The following SUGCT variants were observed in gnomAD, a reference collection of about 807,000 sequenced individuals.
The protein encoded by SUGCT is succinyl-CoA:glutarate CoA-transferase.
In SUGCT, 41 loss-of-function variants were observed where a neutral mutation model predicts 55.0. The observed-to-expected ratio is 0.74, with a 90% confidence interval of 0.58 to 0.97. The LOEUF is 0.97. Ranked by LOEUF, SUGCT falls within the 50% of genes least tolerant of loss-of-function variation. SUGCT has a pLI of 0.00. For synonymous variants in SUGCT, 187 were observed against 200.4 expected (o/e 0.93, Z 0.56); for missense variants, 568 against 547.8 (o/e 1.04, Z -0.37).
the SUGCT span, among the ~76,000 whole-genome samples, chr7:40,881,938 G>A: frequency 7.2e-5 from 11 of 152,164 alleles, no homozygotes; most frequent in African/African-American, 2.7e-4. Context: ...ATCACGAAGA[G>A]GGTCATTTGG....
chr7:40,914,970 A>C, the SUGCT span, among the ~76,000 whole-genome samples: 1 of 152,160 alleles, frequency 6.6e-6, no homozygotes, highest in Non-Finnish European at 1.5e-5. Flanking sequence ...GTGATCTGGA[A>C]TTTTGCAGGT....
rs547019317 is a variant in SUGCT at position 40,474,417 on chromosome 7, A to C, written c.986+15219A>C. ...TAAAAACTGTGTGTACATACTTTGG[A>C]ATCATGTAACCAGAGGGTGTGGATG... On this transcript the variant is annotated intron_variant, in intron 11 of 13. Coordinates refer to ENST00000335693, the MANE Select transcript of SUGCT (RefSeq NM_001193313.2). 2.6e-5 allele frequency among the ~76,000 whole-genome samples: 4 copies of C among 152,228 alleles called. No homozygotes were observed. The South Asian group carries it at 8.3e-4, about 32-fold the overall frequency.
intron 12 of SUGCT, among the ~76,000 whole-genome samples, chr7:40,577,536 A>T (rs1356292389): frequency 6.6e-6 from 1 of 152,006 alleles, no homozygotes; most frequent in Admixed American, 6.5e-5. Flanking sequence ...TGCTGTTTTT[A>T]AAAAATAGTC....
intron 8 of SUGCT, among the ~76,000 whole-genome samples, chr7:40,303,062 C>T (rs1175576255): frequency 6.6e-6 from 1 of 152,068 alleles, no homozygotes; most frequent in Admixed American, 6.6e-5. Flanking sequence ...GAGATGGAGT[C>T]TTGCCCTGTC....
chr7:40,170,501 T>C (rs1203748579), intron 1 of SUGCT, among the ~76,000 whole-genome samples: 2 of 152,184 alleles, frequency 1.3e-5, no homozygotes, highest in African/African-American at 4.8e-5. Flanking sequence ...GGGAACATTT[T>C]CTATCTGAAA....
chr7:40,816,524 T>C (rs1302487667), intron 13 of SUGCT, among the ~76,000 whole-genome samples: 1 of 152,230 alleles, frequency 6.6e-6, no homozygotes, highest in Admixed American at 6.5e-5. Flanking sequence ...CTCATTTTTA[T>C]CAGCCAGACA....
intron 13 of SUGCT, among the ~76,000 whole-genome samples, chr7:40,751,647 C>T (rs1788017380): frequency 6.6e-6 from 1 of 152,162 alleles, no homozygotes; most frequent in Admixed American, 6.5e-5. Context: ...TTTAGCTTTC[C>T]TCCTCTGCCC....
At chr7:40,180,048 C>T (rs1785107864) in intron 1 of SUGCT, among the ~76,000 whole-genome samples, 1 of 152,124 alleles carries the variant, frequency 6.6e-6, no homozygotes, top group South Asian at 2.1e-4. Context: ...ATTTGGTTTT[C>T]CATGTAAGTA....
intron 13 of SUGCT, among the ~76,000 whole-genome samples, chr7:40,809,798 C>T (rs1791310687): frequency 6.6e-6 from 1 of 152,014 alleles, no homozygotes; most frequent in Non-Finnish European, 1.5e-5. Context: ...TCTCTAGTAG[C>T]CCCCAGTTTC....
At chr7:40,308,479 G>T (rs1273305978) in intron 8 of SUGCT, among the ~76,000 whole-genome samples, 1 of 152,126 alleles carries the variant, frequency 6.6e-6, no homozygotes, top group Non-Finnish European at 1.5e-5. Context: ...ATGACCAGGT[G>T]ATTTAATTAT....
chr7:40,785,878 A>G (rs1789984887), intron 13 of SUGCT, among the ~76,000 whole-genome samples: 1 of 152,158 alleles, frequency 6.6e-6, no homozygotes, highest in African/African-American at 2.4e-5. Context: ...ACTTGAGCCC[A>G]GCAGTTCAAG....
At chr7:40,140,891 T>C (rs1787947668) in intron 1 of SUGCT, among the ~76,000 whole-genome samples, 1 of 152,152 alleles carries the variant, frequency 6.6e-6, no homozygotes, top group South Asian at 2.1e-4. Flanking sequence ...TGTGAAAAAA[T>C]GATGTTGATA....
intron 12 of SUGCT, among the ~76,000 whole-genome samples, chr7:40,743,695 A>G (rs1183522055): frequency 1.3e-5 from 2 of 152,146 alleles, no homozygotes; most frequent in African/African-American, 2.4e-5. Flanking sequence ...TATGTGTTCA[A>G]TGAATGTACC....
chr7:40,769,600 A>G (rs1788986111), intron 13 of SUGCT, among the ~76,000 whole-genome samples: 1 of 152,226 alleles, frequency 6.6e-6, no homozygotes, highest in Admixed American at 6.5e-5. Flanking sequence ...GCAGGCCATC[A>G]CTAGAAACTG....
At chr7:40,859,345 A>G (rs1482336895) in intron 13 of SUGCT, among the ~76,000 whole-genome samples, 1 of 152,212 alleles carries the variant, frequency 6.6e-6, no homozygotes, top group Non-Finnish European at 1.5e-5. Context: ...GTTCCAGCGG[A>G]CACAGATTTT....
At chr7:40,267,988 A>G (rs1791718788) in intron 7 of SUGCT, among the ~76,000 whole-genome samples, 1 of 152,128 alleles carries the variant, frequency 6.6e-6, no homozygotes, top group South Asian at 2.1e-4. Context: ...AAACTTCTAG[A>G]ATTTTTACTA....
intron 8 of SUGCT, among the ~76,000 whole-genome samples, chr7:40,312,827 G>C (rs146669405): frequency 2.0e-3 from 308 of 152,310 alleles, no homozygotes; most frequent in Middle Eastern, 0.017. Flanking sequence ...TAGGCCAGAA[G>C]ACATGCAAGG....
chr7:40,708,436 T>C (rs1319422498), intron 12 of SUGCT, among the ~76,000 whole-genome samples: 1 of 152,196 alleles, frequency 6.6e-6, no homozygotes, highest in Non-Finnish European at 1.5e-5. Flanking sequence ...CGTTAGTGTT[T>C]GTTTCATTCT....
intron 9 of SUGCT, among the ~76,000 whole-genome samples, chr7:40,444,038 T>A (rs1788670284): frequency 6.6e-6 from 1 of 152,162 alleles, no homozygotes; most frequent in African/African-American, 2.4e-5. Context: ...GTTGTAGATT[T>A]GTGGTATTAT....
Sources: gnomAD v4.1 joint callset for allele counts (sites outside exome capture counted in the v4.1 genomes callset) on GRCh38, gnomAD v4.1.1 for gene constraint, MANE v1.5 for transcripts, NCBI Gene and HGNC (gene_info 2026-07-23, HGNC 2026-07-21) for gene names.